The following BTBD9 variants were observed in gnomAD, a reference collection of about 807,000 sequenced individuals.
The protein encoded by BTBD9 is BTB domain containing 9.
A neutral mutation model predicts 64.3 loss-of-function variants in BTBD9; 49 were observed. The observed-to-expected ratio is 0.76, with a 90% CI of 0.61 to 0.97. The LOEUF is 0.97. BTBD9 is among the 50% of genes least tolerant of loss of function. BTBD9 has a pLI of 0.00. For missense variants in BTBD9, 598 were observed against 762.1 expected (o/e 0.78, Z 2.53); for synonymous variants, 260 against 274.7 (o/e 0.95, Z 0.53).
intron 7 of BTBD9, among the ~76,000 whole-genome samples, chr6:38,328,017 C>A (rs990341054): frequency 2.6e-5 from 4 of 152,202 alleles, no homozygotes; most frequent in African/African-American, 9.7e-5. Flanking sequence ...CCTTGTCCCT[C>A]ACTTAAAGTA....
intron 6 of BTBD9, among the ~76,000 whole-genome samples, chr6:38,350,249 A>G (rs1164291247): frequency 6.6e-6 from 1 of 152,244 alleles, no homozygotes; most frequent in Non-Finnish European, 1.5e-5. Context: ...TGTTCTGGGA[A>G]GGTACGAGTT....
At chr6:38,355,290 T>G (rs973953446) in intron 6 of BTBD9, among the ~76,000 whole-genome samples, 6 of 152,150 alleles carry the variant, frequency 3.9e-5, no homozygotes, top group African/African-American at 1.4e-4. Flanking sequence ...AAAAGACATT[T>G]CCCCAGATGT....
chr6:38,354,921 G>A (rs1280963147), intron 6 of BTBD9, among the ~76,000 whole-genome samples: 1 of 151,776 alleles, frequency 6.6e-6, no homozygotes, highest in Non-Finnish European at 1.5e-5. Context: ...GAGAGAAAGA[G>A]AGAGAGAGAG....
intron 6 of BTBD9, among the ~76,000 whole-genome samples, chr6:38,550,859 A>T (rs1213859410): frequency 1.3e-5 from 2 of 152,042 alleles, no homozygotes; most frequent in African/African-American, 4.8e-5. Context: ...GTGGCTGTCA[A>T]TCTCACTCAA....
At chr6:38,514,013 A>G (rs1772897776) in intron 6 of BTBD9, among the ~76,000 whole-genome samples, 1 of 152,242 alleles carries the variant, frequency 6.6e-6, no homozygotes. Flanking sequence ...CTTTCAAACC[A>G]GAAAGTGACA....
At chr6:38,560,450 A>G (rs1247752787) in intron 6 of BTBD9, among the ~76,000 whole-genome samples, 1 of 152,210 alleles carries the variant, frequency 6.6e-6, no homozygotes, top group African/African-American at 2.4e-5. Context: ...TATATGCAAA[A>G]TCAAAATCTT....
intron 6 of BTBD9, among the ~76,000 whole-genome samples, chr6:38,400,613 C>T (rs562190541): frequency 2.0e-5 from 3 of 152,192 alleles, no homozygotes; most frequent in African/African-American, 7.2e-5. Flanking sequence ...TTCTTTTGCA[C>T]CCTTATCCTT....
chr6:38,183,751 T>G (rs1423531184), intron 10 of BTBD9, among the ~76,000 whole-genome samples: 3 of 152,238 alleles, frequency 2.0e-5, no homozygotes, highest in Admixed American at 1.3e-4. Flanking sequence ...AGCTCTGCCA[T>G]TCTCCAAGGG....
intron 6 of BTBD9, among the ~76,000 whole-genome samples, chr6:38,390,157 A>C (rs1489151100): frequency 8.5e-5 from 13 of 152,170 alleles, no homozygotes; most frequent in Admixed American, 8.5e-4. Flanking sequence ...CTCGGGATGT[A>C]GAGATACTTC....
chr6:38,394,105 T>C (rs1181926252), intron 6 of BTBD9, among the ~76,000 whole-genome samples: 1 of 152,172 alleles, frequency 6.6e-6, no homozygotes, highest in Non-Finnish European at 1.5e-5. Flanking sequence ...TGATGTGTTG[T>C]CAAGTACTAT....
At chr6:38,493,985 A>C (rs1010633218) in intron 6 of BTBD9, among the ~76,000 whole-genome samples, 6 of 152,268 alleles carry the variant, frequency 3.9e-5, no homozygotes, top group Non-Finnish European at 1.5e-5. Flanking sequence ...ACTGTCATTC[A>C]AACAAGTTTC....
At chr6:38,576,493 C>G (rs564081687) in intron 6 of BTBD9, among the ~76,000 whole-genome samples, 237 of 152,262 alleles carry the variant, frequency 1.6e-3, no homozygotes, top group Middle Eastern at 3.4e-3. Flanking sequence ...AGAGGCTGAA[C>G]GGTTTTGTGA....
rs577079543 is a variant in BTBD9, at chr6:38,227,643, C to T, written c.1562+28766G>A. Among the ~76,000 whole-genome samples, 37 of 152,206 alleles carry T rather than the reference C, an allele frequency of 2.4e-4. No homozygotes were observed. In the South Asian group the frequency reaches 2.9e-3, roughly 12 times the overall value. ...CCATAAAGACTCCTGCAGAAGGTCA[C>T]GGCTGCATATCTAGAAAGAAACAAG... is the stretch of plus-strand genomic sequence containing the variant. On this transcript the variant is annotated intron_variant, in intron 9 of 10. Transcript: ENST00000481247.
intron 6 of BTBD9, among the ~76,000 whole-genome samples, chr6:38,565,006 C>G (rs1290565437): frequency 6.6e-6 from 1 of 152,098 alleles, no homozygotes; most frequent in African/African-American, 2.4e-5. Context: ...CTAGCTTAAA[C>G]TGATTCCTTC....
chr6:38,604,507 G>A (rs958329211), intron 1 of BTBD9, among the ~76,000 whole-genome samples: 1 of 152,104 alleles, frequency 6.6e-6, no homozygotes. Flanking sequence ...AGTGCTAGGC[G>A]ACAGAAACAC....
chr6:38,217,546 G>C (rs1763050061), intron 9 of BTBD9, among the ~76,000 whole-genome samples: 1 of 152,120 alleles, frequency 6.6e-6, no homozygotes, highest in Non-Finnish European at 1.5e-5. Flanking sequence ...GTATTCCACA[G>C]GTATCCTGGT....
intron 8 of BTBD9, among the ~76,000 whole-genome samples, chr6:38,279,590 A>G (rs1211446361): frequency 6.6e-6 from 1 of 152,190 alleles, no homozygotes; most frequent in Non-Finnish European, 1.5e-5. Flanking sequence ...GTTAGCCCTC[A>G]TGAGAATAGC....
In BTBD9 at chr6:38,565,722, G is replaced by A. The variant is rs550747966; in HGVS notation, c.1154+11878C>T. On this transcript the variant is annotated intron_variant, in intron 6 of 10. Transcript: ENST00000481247. ...CTATCATTCATGGAGAGGAATAAACGTATAATATTTGTGGATAGCATTTAG... is the reference window on the plus strand; with the variant it reads ...CTATCATTCATGGAGAGGAATAAACATATAATATTTGTGGATAGCATTTAG... Among the ~76,000 whole-genome samples the A allele has an allele frequency of 3.9e-5, 6 of 152,238 alleles. No homozygotes were observed. The South Asian group carries it at 6.2e-4, about 16-fold the overall frequency.
rs144109076 is a variant in BTBD9, at chr6:38,314,101, T to C, written c.1265-25640A>G. Among the ~76,000 whole-genome samples, 26 of 151,974 alleles carry C rather than the reference T, an allele frequency of 1.7e-4. No individual in the cohort carries two copies. In the East Asian group the frequency reaches 2.7e-3, roughly 16 times the overall value. The stretch of plus-strand genomic sequence containing the variant: ...ATTTAAAATATTTATGTATTTCAAA[T>C]ACAAAATACTAGCAACATCACATTT... On this transcript the variant is annotated intron_variant, in intron 7 of 10. Coordinates refer to ENST00000481247, the MANE Select transcript of BTBD9 (RefSeq NM_001099272.2).
Sources: allele counts gnomAD v4.1 joint callset (sites outside exome capture counted in the v4.1 genomes callset), GRCh38; gene constraint gnomAD v4.1.1; transcripts MANE v1.5; gene names NCBI Gene and HGNC (gene_info 2026-07-23, HGNC 2026-07-21).